SAMD5: variants seen among roughly 807,000 people sequenced by gnomAD.
SAMD5 encodes the protein sterile alpha motif domain-containing protein 5.
Under a neutral mutation model 11.3 loss-of-function variants are expected in SAMD5, and 13 were observed. The ratio of observed to expected loss-of-function variants is 1.15; its 90% CI spans 0.75 to 1.83. The LOEUF (loss-of-function observed/expected upper bound fraction) is 1.83. Among genes scored for constraint, SAMD5 ranks in the 40% most tolerant of loss-of-function variants. The pLI, the probability that SAMD5 is intolerant of heterozygous loss-of-function variation, is 0.00. For missense variants in SAMD5, 255 were observed against 239.1 expected, an observed-to-expected ratio of 1.07 and a Z score of -0.44; for synonymous variants, 129 against 111.3, an observed-to-expected ratio of 1.16 and a Z score of -1.00.
chr6:147,722,430 A>G (rs1470073670), intron 1 of SAMD5, among the ~76,000 whole-genome samples: 1 of 152,204 alleles, frequency 6.6e-6, no homozygotes, highest in African/African-American at 2.4e-5. Flanking sequence ...TGCCCTCGTC[A>G]TCCATCCACA....
At chr6:147,783,783 T>C in the SAMD5 span, among the ~76,000 whole-genome samples, 1 of 152,244 alleles carries the variant, frequency 6.6e-6, no homozygotes, top group Admixed American at 6.5e-5. Flanking sequence ...GTGTTTTCAC[T>C]GAGGTATTTT....
At chr6:147,735,882 AG>A (rs1473831846) in intron 1 of SAMD5, among the ~76,000 whole-genome samples, 2 of 152,194 alleles carry the variant, frequency 1.3e-5, no homozygotes, top group African/African-American at 4.8e-5. Flanking sequence ...CTCTGGATTT[AG>A]ACAGGCTTGG....
chr6:147,851,296 A>C, the SAMD5 span, among the ~76,000 whole-genome samples: 1 of 152,162 alleles, frequency 6.6e-6, no homozygotes, highest in Non-Finnish European at 1.5e-5. Flanking sequence ...TTCCTAATCT[A>C]TAAATTAAGC....
Position 147,514,204 on chromosome 6 carries a change from C to T in SAMD5, c.459+4817C>T, listed in dbSNP as rs118130929. Among the ~76,000 whole-genome samples, 581 of 152,020 alleles carry T rather than the reference C, an allele frequency of 3.8e-3. 9 individuals carry two copies. The East Asian group carries it at 0.058, about 15-fold the overall frequency. ...AGAGCGCATAAGTGAAGGGAGCATT[C>T]GCTTCTGCTTCTGGCGGGTGGGTAG... On this transcript the variant is annotated intron_variant, in intron 1 of 1. Transcript: ENST00000367474.
chr6:147,932,956 A>G, the SAMD5 span, among the ~76,000 whole-genome samples: 1 of 152,188 alleles, frequency 6.6e-6, no homozygotes, highest in Non-Finnish European at 1.5e-5. Flanking sequence ...GAGGCATAAG[A>G]TTCATCAATT....
intron 1 of SAMD5, among the ~76,000 whole-genome samples, chr6:147,535,682 T>C (rs935258480): frequency 6.6e-6 from 1 of 152,232 alleles, no homozygotes; most frequent in African/African-American, 2.4e-5. Context: ...TGATAGAACT[T>C]TATTCTATGA....
intron 1 of SAMD5, among the ~76,000 whole-genome samples, chr6:147,633,613 A>C (rs962958000): frequency 6.6e-6 from 1 of 152,062 alleles, no homozygotes; most frequent in African/African-American, 2.4e-5. Flanking sequence ...GGAGACCAAC[A>C]TACAACATAC....
the SAMD5 span, among the ~76,000 whole-genome samples, chr6:147,887,126 A>G: frequency 4.8e-5 from 7 of 144,562 alleles, no homozygotes; most frequent in East Asian, 1.9e-4. Context: ...AATACAGTCT[A>G]TTCTCACCAC....
chr6:147,843,031 T>G, the SAMD5 span, among the ~76,000 whole-genome samples: 1 of 152,156 alleles, frequency 6.6e-6, no homozygotes, highest in East Asian at 1.9e-4. Context: ...AGCTAATTGT[T>G]GTATTTTTAG....
chr6:147,747,327 G>A, the SAMD5 span, among the ~76,000 whole-genome samples: 1 of 152,212 alleles, frequency 6.6e-6, no homozygotes, highest in African/African-American at 2.4e-5. Flanking sequence ...CTGAGGGACT[G>A]GCCCTGCAAA....
intron 1 of SAMD5, among the ~76,000 whole-genome samples, chr6:147,632,398 G>A (rs1025723467): frequency 3.3e-5 from 5 of 152,190 alleles, no homozygotes; most frequent in African/African-American, 9.7e-5. Context: ...GCAAGAGTGA[G>A]GGCTCGAGTT....
the SAMD5 span, among the ~76,000 whole-genome samples, chr6:147,898,221 C>T: frequency 1.3e-5 from 2 of 152,004 alleles, no homozygotes; most frequent in African/African-American, 2.4e-5. Flanking sequence ...TATATGACTG[C>T]CAAGAAGACT....
chr6:147,540,092 C>CT (rs1350068302), intron 1 of SAMD5, among the ~76,000 whole-genome samples: 1 of 151,862 alleles, frequency 6.6e-6, no homozygotes, highest in Non-Finnish European at 1.5e-5. Flanking sequence ...TTTTCTCTCT[C>CT]TTTTTTTTCT....
the SAMD5 span, among the ~76,000 whole-genome samples, chr6:147,946,502 C>A: frequency 1.3e-5 from 2 of 152,216 alleles, no homozygotes; most frequent in South Asian, 4.1e-4. Flanking sequence ...TAGTCACTTC[C>A]AGCTGTGTTT....
At chr6:147,729,841 T>G (rs1449810854) in intron 1 of SAMD5, 1 of 456,206 alleles carries the variant, frequency 2.2e-6, no homozygotes, top group Admixed American at 2.4e-5. Context: ...TCCCAGCACT[T>G]TGGGAGGCTG....
At chr6:147,562,816 C>T (rs1788974596) in intron 1 of SAMD5, among the ~76,000 whole-genome samples, 2 of 149,432 alleles carry the variant, frequency 1.3e-5, no homozygotes, top group South Asian at 4.2e-4. Flanking sequence ...AGCGAGACTC[C>T]GTCTCAAAAA....
At chr6:147,595,022 A>G (rs1216043880) in intron 1 of SAMD5, among the ~76,000 whole-genome samples, 1 of 152,176 alleles carries the variant, frequency 6.6e-6, no homozygotes, top group Non-Finnish European at 1.5e-5. Context: ...CTTGACTAAA[A>G]CTACAGATGA....
the SAMD5 span, among the ~76,000 whole-genome samples, chr6:147,934,463 T>C: frequency 2.3e-4 from 35 of 152,182 alleles, no homozygotes; most frequent in Non-Finnish European, 4.3e-4. Flanking sequence ...AGGTCAGGTG[T>C]GTGTGTGTCA....
chr6:147,892,280 A>G, the SAMD5 span, among the ~76,000 whole-genome samples: 1 of 151,808 alleles, frequency 6.6e-6, no homozygotes, highest in East Asian at 1.9e-4. Context: ...TCACAGCTAT[A>G]CCTCCTTCAT....
Sources: allele counts gnomAD v4.1 joint callset (sites outside exome capture counted in the v4.1 genomes callset), GRCh38; gene constraint gnomAD v4.1.1; transcripts MANE v1.5; gene names NCBI Gene and HGNC (gene_info 2026-07-23, HGNC 2026-07-21).